Variants in COL5A2 observed in about 807,000 individuals in gnomAD.
COL5A2 encodes collagen type V alpha 2 chain.
A neutral mutation model predicts 208.2 loss-of-function variants in COL5A2; 23 were observed. That is an observed-to-expected ratio of 0.11 (90% CI 0.08 to 0.16). The LOEUF is 0.16. COL5A2 is among the 10% of genes least tolerant of loss of function. The pLI is 1.00. For synonymous variants in COL5A2, 625 were observed against 628.5 expected (o/e 0.99, Z 0.08); for missense variants, 1,590 against 1,956.4 (o/e 0.81, Z 3.53).
chr2:189,331,385 C>A, the COL5A2 span, among the ~76,000 whole-genome samples: 1 of 152,042 alleles, frequency 6.6e-6, no homozygotes, highest in Non-Finnish European at 1.5e-5. Flanking sequence ...AAAAATTAGC[C>A]AGGCATGGTG....
chr2:189,141,142 A>G (rs548405376), intron 1 of COL5A2, among the ~76,000 whole-genome samples: 153 of 152,312 alleles, frequency 1.0e-3, no homozygotes, highest in Middle Eastern at 3.4e-3. Context: ...GGGCTGGGCA[A>G]TATGAGCTGA....
chr2:189,053,275 C>T (rs1309281089), intron 38 of COL5A2, 149 bp downstream of exon 38: 7 of 798,288 alleles, frequency 8.8e-6, no homozygotes, highest in Non-Finnish European at 1.4e-5. Flanking sequence ...TTGTGCCAGT[C>T]TATAAAAAAA....
intron 45 of COL5A2, 55 bp from the exon 46 acceptor site, chr2:189,045,962 T>G: frequency 7.0e-7 from 1 of 1,422,302 alleles, no homozygotes. Context: ...AACAACAATA[T>G]TCCATATGTT....
At chr2:189,301,998 A>T in the COL5A2 span, among the ~76,000 whole-genome samples, 13 of 152,170 alleles carry the variant, frequency 8.5e-5, no homozygotes, top group East Asian at 3.9e-4. Context: ...TATCTCCAAA[A>T]ATTGAATAAC....
chr2:189,034,388 T>A (rs1229253838), intron 53 of COL5A2, among the ~76,000 whole-genome samples, 172 bp from the exon 54 acceptor site: 1 of 152,226 alleles, frequency 6.6e-6, no homozygotes, highest in Non-Finnish European at 1.5e-5. Flanking sequence ...TGTAACAGAA[T>A]TTCTTTCATG....
At chr2:189,038,778 CTCCTGGGT>C (rs1685494075) in intron 51 of COL5A2, among the ~76,000 whole-genome samples, 1 of 152,166 alleles carries the variant, frequency 6.6e-6, no homozygotes, top group South Asian at 2.1e-4. Context: ...CAAGCTCCGG[CTCCTGGGT>C]TCATGCCACT....
intron 40 of COL5A2, among the ~76,000 whole-genome samples, chr2:189,052,497 T>C (rs1194931955): frequency 6.6e-6 from 1 of 152,222 alleles, no homozygotes; most frequent in Non-Finnish European, 1.5e-5. Flanking sequence ...GCTTTCACAT[T>C]GTTTATTTAC....
the COL5A2 span, among the ~76,000 whole-genome samples, chr2:189,309,790 T>C: frequency 0.22 from 33,176 of 152,082 alleles, 3,753 homozygotes; most frequent in South Asian, 0.26. Context: ...CTGCCAGACT[T>C]TTGTCTGTGC....
intron 13 of COL5A2, among the ~76,000 whole-genome samples, chr2:189,080,272 C>G (rs1279477111): frequency 6.6e-6 from 1 of 152,172 alleles, no homozygotes; most frequent in Non-Finnish European, 1.5e-5. Context: ...ACACTTGTGA[C>G]TTCATAGAAA....
chr2:189,282,215 CA>C, the COL5A2 span, among the ~76,000 whole-genome samples: 11 of 151,628 alleles, frequency 7.3e-5, no homozygotes, highest in South Asian at 4.2e-4. Flanking sequence ...TATATATATC[CA>C]TTATTAATAA....
At chr2:189,251,214 T>C in the COL5A2 span, among the ~76,000 whole-genome samples, 3,937 of 152,234 alleles carry the variant, frequency 0.026, 181 homozygotes, top group African/African-American at 0.091. Flanking sequence ...TATCCTCTAA[T>C]AATCAATAAA....
intron 1 of COL5A2, among the ~76,000 whole-genome samples, chr2:189,135,997 C>T (rs1687819733): frequency 6.6e-6 from 1 of 152,128 alleles, no homozygotes; most frequent in South Asian, 2.1e-4. Context: ...AGAAAGAGGT[C>T]CACCAGTCAC....
At chr2:189,064,948 T>C in intron 24 of COL5A2, 56 bp downstream of exon 24, 1 of 1,544,204 alleles carries the variant, frequency 6.5e-7, no homozygotes, top group South Asian at 1.1e-5. Context: ...TGCTGAAAAA[T>C]GGCATCTTCT....
At chr2:189,349,673 A>C in the COL5A2 span, among the ~76,000 whole-genome samples, 1 of 152,170 alleles carries the variant, frequency 6.6e-6, no homozygotes, top group South Asian at 2.1e-4. Flanking sequence ...GTTTAGGTTT[A>C]GGTTTAGCTT....
the COL5A2 span, among the ~76,000 whole-genome samples, chr2:189,429,469 G>A: frequency 6.6e-6 from 1 of 152,174 alleles, no homozygotes; most frequent in East Asian, 1.9e-4. Context: ...ATGCCTGGGG[G>A]TATGAGATTT....
At chr2:189,291,750 C>T in the COL5A2 span, among the ~76,000 whole-genome samples, 1 of 151,746 alleles carries the variant, frequency 6.6e-6, no homozygotes, top group African/African-American at 2.4e-5. Flanking sequence ...TCATTTTATA[C>T]TACTGAAAAT....
chr2:189,054,358 T>C, intron 35 of COL5A2, 146 bp from the exon 36 acceptor site: 1 of 643,608 alleles, frequency 1.6e-6, no homozygotes, highest in Non-Finnish European at 2.8e-6. Flanking sequence ...AATGATATAA[T>C]CTATATATTT....
Position 189,034,019 on chromosome 2 carries a change from T to C in COL5A2, c.*51A>G. 1 of 1,612,564 alleles carries C rather than the reference T, an allele frequency of 6.2e-7. No homozygotes were observed. Among genetic ancestry groups the C allele is most frequent in the South Asian group, 1.1e-5 (1 of 91,054 alleles). On this transcript the variant is annotated 3_prime_UTR_variant, in exon 54 of 54. Transcript: ENST00000374866. Reference sequence around the variant, plus strand: ...TTCAAACAGTCAAAGTTCTTGTGAATGGCGGTGGTCATTGATGGTGGTGCT... The same window carrying C: ...TTCAAACAGTCAAAGTTCTTGTGAACGGCGGTGGTCATTGATGGTGGTGCT...
upstream of COL5A2, among the ~76,000 whole-genome samples, chr2:189,182,425 AG>A (rs1688793313): frequency 6.6e-6 from 1 of 152,156 alleles, no homozygotes; most frequent in South Asian, 2.1e-4. Context: ...CAATAAATCT[AG>A]GGTTCCACTT....
Sources: allele counts gnomAD v4.1 joint callset (sites outside exome capture counted in the v4.1 genomes callset), GRCh38; gene constraint gnomAD v4.1.1; transcripts MANE v1.5; gene names NCBI Gene and HGNC (gene_info 2026-07-23, HGNC 2026-07-21).